CDYL2: variants seen among roughly 807,000 people sequenced by gnomAD.
CDYL2 encodes the protein chromodomain Y like 2.
CDYL2 carries 23 observed loss-of-function variants against 49.4 expected under a neutral mutation model. That is an observed-to-expected ratio of 0.47 (90% CI 0.34 to 0.66). CDYL2 has a LOEUF of 0.66. Among genes scored for constraint, CDYL2 ranks in the 30% least tolerant of loss-of-function variants. The pLI, the probability that CDYL2 is intolerant of heterozygous loss-of-function variation, is 0.01. For missense variants in CDYL2, 678 were observed against 656.4 expected (o/e 1.03, Z -0.36); for synonymous variants, 360 against 268.8 (o/e 1.34, Z -3.32).
intron 1 of CDYL2, among the ~76,000 whole-genome samples, chr16:80,745,796 T>C (rs1202715934): frequency 6.6e-6 from 1 of 152,184 alleles, no homozygotes; most frequent in Admixed American, 6.5e-5. Flanking sequence ...ATCCTCCCTA[T>C]GACCAGGACA....
chr16:80,709,983 G>C (rs918313718), intron 1 of CDYL2, among the ~76,000 whole-genome samples: 1 of 151,120 alleles, frequency 6.6e-6, no homozygotes, highest in Non-Finnish European at 1.5e-5. Context: ...CCTGGAGTGC[G>C]GTGGTGCTAT....
intron 2 of CDYL2, among the ~76,000 whole-genome samples, chr16:80,682,874 G>A (rs1024891040): frequency 2.0e-5 from 3 of 152,218 alleles, no homozygotes; most frequent in Non-Finnish European, 2.9e-5. Context: ...TATGTTCACA[G>A]GCACAGTCAC....
At chr16:80,610,120 G>A (rs1011441880) in intron 5 of CDYL2, among the ~76,000 whole-genome samples, 8 of 152,266 alleles carry the variant, frequency 5.3e-5, no homozygotes, top group African/African-American at 1.9e-4. Context: ...CAGAACAAGG[G>A]GGAATATCAA....
At chr16:80,611,966 G>T (rs1906617595) in intron 5 of CDYL2, among the ~76,000 whole-genome samples, 1 of 152,252 alleles carries the variant, frequency 6.6e-6, no homozygotes, top group Non-Finnish European at 1.5e-5. Context: ...CGTTCCATCT[G>T]TAAGATGGAA....
chr16:80,769,993 G>A (rs565393787), intron 1 of CDYL2, among the ~76,000 whole-genome samples: 1 of 152,052 alleles, frequency 6.6e-6, no homozygotes, highest in Non-Finnish European at 1.5e-5. Context: ...GAAAGTGTCA[G>A]GTTTTACAAA....
intron 1 of CDYL2, among the ~76,000 whole-genome samples, chr16:80,695,844 C>T (rs1325809976): frequency 6.6e-6 from 1 of 152,122 alleles, no homozygotes; most frequent in Admixed American, 6.5e-5. Context: ...CGAGACAGAT[C>T]AAGCAGGCAG....
chr16:80,720,636 G>C (rs1464178241), intron 1 of CDYL2, among the ~76,000 whole-genome samples: 3 of 152,170 alleles, frequency 2.0e-5, no homozygotes, highest in Non-Finnish European at 2.9e-5. Flanking sequence ...GTTGCTGCTG[G>C]GAAAACATGC....
intron 1 of CDYL2, among the ~76,000 whole-genome samples, chr16:80,762,938 G>C (rs1457464871): frequency 6.6e-6 from 1 of 152,142 alleles, no homozygotes; most frequent in Non-Finnish European, 1.5e-5. Flanking sequence ...CAATGTTAAT[G>C]ATCCACAATA....
intron 1 of CDYL2, among the ~76,000 whole-genome samples, chr16:80,764,362 G>A (rs980319376): frequency 6.6e-6 from 1 of 152,114 alleles, no homozygotes; most frequent in South Asian, 2.1e-4. Flanking sequence ...TGGGAAAACT[G>A]AGCCATGTGT....
chr16:80,762,804 T>A (rs1906577530), intron 1 of CDYL2, among the ~76,000 whole-genome samples: 1 of 152,140 alleles, frequency 6.6e-6, no homozygotes, highest in Non-Finnish European at 1.5e-5. Flanking sequence ...GGCAGAGACG[T>A]GTCCTTTCTG....
At chr16:80,653,534 CT>C (rs1297435002) in intron 2 of CDYL2, among the ~76,000 whole-genome samples, 1 of 152,086 alleles carries the variant, frequency 6.6e-6, no homozygotes, top group Non-Finnish European at 1.5e-5. Flanking sequence ...ATTTTAATTT[CT>C]TATTTTTCTT....
intron 1 of CDYL2, among the ~76,000 whole-genome samples, chr16:80,722,582 T>A (rs866242049): frequency 2.0e-5 from 3 of 152,218 alleles, no homozygotes; most frequent in Non-Finnish European, 4.4e-5. Context: ...AGCCTAGTTT[T>A]CTTAGGCCTA....
chr16:80,801,375 G>C (rs1243356132), intron 1 of CDYL2, among the ~76,000 whole-genome samples: 1 of 152,184 alleles, frequency 6.6e-6, no homozygotes, highest in Admixed American at 6.5e-5. Context: ...TCGTTTTCTG[G>C]TGTCTTTAAA....
At chr16:80,662,231 G>T (rs114232792) in intron 2 of CDYL2, among the ~76,000 whole-genome samples, 3,664 of 152,248 alleles carry the variant, frequency 0.024, 110 homozygotes, top group African/African-American at 0.064. Flanking sequence ...GACACCCAAG[G>T]AGAGAACACA....
intron 6 of CDYL2, among the ~76,000 whole-genome samples, chr16:80,607,496 G>A (rs1055742920): frequency 6.6e-6 from 1 of 152,180 alleles, no homozygotes; most frequent in East Asian, 1.9e-4. Flanking sequence ...GGGGCCGCAG[G>A]AGTGGCCTTG....
intron 5 of CDYL2, among the ~76,000 whole-genome samples, chr16:80,608,669 G>C (rs1906453448): frequency 6.6e-6 from 1 of 152,174 alleles, no homozygotes; most frequent in South Asian, 2.1e-4. Context: ...TCCAGCTGCA[G>C]GTGTGGTGGA....
intron 5 of CDYL2, among the ~76,000 whole-genome samples, chr16:80,610,229 A>T (rs898239813): frequency 3.3e-5 from 5 of 152,168 alleles, no homozygotes; most frequent in African/African-American, 1.2e-4. Context: ...GATGGAAACA[A>T]TGGGGGATGG....
intron 4 of CDYL2, among the ~76,000 whole-genome samples, chr16:80,614,374 C>T (rs1182640176): frequency 1.3e-5 from 2 of 152,206 alleles, no homozygotes; most frequent in Non-Finnish European, 2.9e-5. Flanking sequence ...TGGCGTCCTC[C>T]AAGCCCATTC....
At chr16:80,710,310 T>C (rs1322949883) in intron 1 of CDYL2, among the ~76,000 whole-genome samples, 1 of 152,196 alleles carries the variant, frequency 6.6e-6, no homozygotes, top group African/African-American at 2.4e-5. Context: ...ATTTAATTTT[T>C]AGAGGAAGTA....
Sources: gnomAD v4.1 joint callset for allele counts (sites outside exome capture counted in the v4.1 genomes callset) on GRCh38, gnomAD v4.1.1 for gene constraint, MANE v1.5 for transcripts, NCBI Gene and HGNC (gene_info 2026-07-23, HGNC 2026-07-21) for gene names.